Variants in TRIM13 observed in about 807,000 individuals in gnomAD.
The protein encoded by TRIM13 is tripartite motif containing 13, also known as E3 ubiquitin-protein ligase TRIM13.
In TRIM13, 15 loss-of-function variants were observed where a neutral mutation model predicts 27.1. The observed-to-expected ratio is 0.55, with a 90% confidence interval of 0.37 to 0.85. The LOEUF (loss-of-function observed/expected upper bound fraction) is 0.85. TRIM13 is among the 40% of genes least tolerant of loss of function. The pLI is 0.00. For synonymous variants in TRIM13, 193 were observed against 171.5 expected, an observed-to-expected ratio of 1.13 and a Z score of -0.98; for missense variants, 402 against 472.2, an observed-to-expected ratio of 0.85 and a Z score of 1.38.
chr13:50,017,678 G>A lies in TRIM13; in HGVS notation c.*4514G>A, dbSNP rs2138456289. The A allele has an allele frequency of 6.0e-6, 1 of 167,154 alleles. No individual in the cohort carries two copies. The highest frequency in any genetic ancestry group is 1.9e-4 in the East Asian group (1 of 5,194). The allele number at this position is 167,154 out of a possible 1,614,324, so 10.4% of individuals were successfully genotyped here. On this transcript the variant is annotated 3_prime_UTR_variant, in exon 2 of 2. Transcript: ENST00000378182. The stretch of plus-strand genomic sequence containing the variant: ...CAGTGCCAATTTAAAAGTAGAGATA[G>A]CCAATCTGAATACGGTGAAATTATG...
rs1481756834 is a variant in TRIM13, at chr13:50,015,070, A to G, written c.*1906A>G. ...GGAGGGAGAATGCTTTTCCCCTCCC[A>G]GTAATAAAAAAAAAAAAAAAAAAAA... On this transcript the variant is annotated 3_prime_UTR_variant, in exon 2 of 2. Coordinates refer to ENST00000378182, the MANE Select transcript of TRIM13 (RefSeq NM_213590.3). The G allele has an allele frequency of 2.9e-5, 2 of 69,952 alleles. No individual in the cohort carries two copies. Among genetic ancestry groups the G allele is most frequent in the Non-Finnish European group, 6.7e-5 (2 of 29,908 alleles). 4.3% of individuals were successfully genotyped at this position (69,952 alleles called of 1,614,324 possible).
chr13:50,017,423 TGTTCCTGTGTGTAC>T lies in TRIM13; in HGVS notation c.*4260_*4273del. ...ACATGATTAAAAACTAAAACTGGGA[TGTTCCTGTGTGTAC>T]ACAGTGCCAAATGGTTTTCCCTTTT... On this transcript the variant is annotated 3_prime_UTR_variant, in exon 2 of 2. Transcript: ENST00000378182. 6.0e-6 allele frequency: 1 copy of T among 167,244 alleles called. No individual in the cohort carries two copies. Among genetic ancestry groups the T allele is most frequent in the East Asian group, 1.9e-4 (1 of 5,196 alleles). 10.4% of individuals were successfully genotyped at this position (167,244 alleles called of 1,614,324 possible).
At chr13:50,009,861 C>G (rs1002153913) in intron 1 of TRIM13, among the ~76,000 whole-genome samples, 1 of 151,554 alleles carries the variant, frequency 6.6e-6, no homozygotes, top group African/African-American at 2.4e-5. Flanking sequence ...CCCAGTATTT[C>G]AAGGCTGCAG....
In TRIM13 at chr13:50,012,492, A is replaced by AT. The variant is rs746658278; in HGVS notation, c.558dup (p.Glu187Ter). 11 of 1,614,020 alleles carry AT rather than the reference A, an allele frequency of 6.8e-6. No individual in the cohort carries two copies. The Admixed American group carries it at 1.5e-4, about 22-fold the overall frequency. ...CTAAAGATTCAGATAAAGTGAAGGA[A>AT]TTTTTTGAGAAGTTACAACACACAC... On this transcript the variant is annotated frameshift_variant, in exon 2 of 2. Transcript: ENST00000378182. LOFTEE classifies it high-confidence loss of function.
rs1876701363 is a variant in TRIM13, at chr13:50,017,119, T to C, written c.*3955T>C. On this transcript the variant is annotated 3_prime_UTR_variant, in exon 2 of 2. Transcript: ENST00000378182. ...AGAGCCAGTCAAGCTAGTAGGCTGA[T>C]TGTGAAGAAAATCTAATACCTTATC... 6.0e-6 allele frequency: 1 copy of C among 167,070 alleles called. No individual in the cohort carries two copies. 10.3% of individuals were successfully genotyped at this position (167,070 alleles called of 1,614,324 possible). A position where few individuals can be genotyped will look rare whatever the true frequency, so the allele number is the denominator to read the frequency against.
At chr13:50,006,027 A>C (rs1874664744) in intron 1 of TRIM13, among the ~76,000 whole-genome samples, 1 of 152,056 alleles carries the variant, frequency 6.6e-6, no homozygotes, top group Non-Finnish European at 1.5e-5. Flanking sequence ...AAATATGTAG[A>C]TTTTAAAGTG....
rs1344021121 is a variant in TRIM13, at chr13:50,015,139, A to AT, written c.*1976dup. 1 of 102,050 alleles carries AT rather than the reference A, an allele frequency of 9.8e-6. No homozygotes were observed. Among genetic ancestry groups the AT allele is most frequent in the Non-Finnish European group, 2.0e-5 (1 of 49,646 alleles). The allele number at this position is 102,050 out of a possible 1,614,324, so 6.3% of individuals were successfully genotyped here. A position where few individuals can be genotyped will look rare whatever the true frequency, so the allele number is the denominator to read the frequency against. Reference sequence around the variant, plus strand: ...TATATATATATATATATATATATATATATATATATATAGTTTTACTAGGTT... The same window carrying AT: ...TATATATATATATATATATATATATATTATATATATATAGTTTTACTAGGTT... On this transcript the variant is annotated 3_prime_UTR_variant, in exon 2 of 2. Coordinates refer to ENST00000378182, the MANE Select transcript of TRIM13 (RefSeq NM_213590.3).
intron 1 of TRIM13, among the ~76,000 whole-genome samples, chr13:50,007,182 CAA>C (rs112759649): frequency 7.4e-5 from 9 of 121,138 alleles, no homozygotes; most frequent in Admixed American, 1.8e-4. Flanking sequence ...GACTCTGTCT[CAA>C]AAAAAAAAAA....
Position 50,014,246 on chromosome 13 carries a change from G to GTC in TRIM13, c.*1082_*1083insTC, listed in dbSNP as rs1482741264. On this transcript the variant is annotated 3_prime_UTR_variant, in exon 2 of 2. Coordinates refer to ENST00000378182, the MANE Select transcript of TRIM13 (RefSeq NM_213590.3). The stretch of plus-strand genomic sequence containing the variant: ...GCATTCTAGGACAGTGATGTGGGAG[G>GTC]ATTATTTGAGGCTAGGAGTTCCAGT... 2 of 150,242 alleles carry GTC rather than the reference G, an allele frequency of 1.3e-5. No individual in the cohort carries two copies. Among genetic ancestry groups the GTC allele is most frequent in the Non-Finnish European group, 3.1e-5 (2 of 65,508 alleles). 9.3% of individuals were successfully genotyped at this position (150,242 alleles called of 1,614,324 possible). A position where few individuals can be genotyped will look rare whatever the true frequency, so the allele number is the denominator to read the frequency against.
intron 1 of TRIM13, among the ~76,000 whole-genome samples, chr13:50,004,294 CAA>C (rs1387946329): frequency 1.3e-5 from 2 of 151,786 alleles, no homozygotes; most frequent in East Asian, 3.9e-4. Context: ...ATCATCTATA[CAA>C]AAAAAGTACA....
At chr13:49,998,038 C>G (rs1873455431) in intron 1 of TRIM13, among the ~76,000 whole-genome samples, 2 of 151,902 alleles carry the variant, frequency 1.3e-5, no homozygotes, top group African/African-American at 4.8e-5. Flanking sequence ...TTTTTTTTCC[C>G]TTCTCCTATG....
rs906886005 is a variant in TRIM13 at position 50,013,739 on chromosome 13, C to A, written c.*575C>A. ...GGGTTTCACTGTCCCTTAAGACCAT[C>A]CTGTTAGCCAAGATGGTCTTGATCT... is the stretch of plus-strand genomic sequence containing the variant. On this transcript the variant is annotated 3_prime_UTR_variant, in exon 2 of 2. Transcript: ENST00000378182. The A allele has an allele frequency of 6.0e-6, 1 of 166,380 alleles. No homozygotes were observed. The highest frequency in any genetic ancestry group is 2.4e-5 in the African/African-American group (1 of 41,290). 10.3% of individuals were successfully genotyped at this position (166,380 alleles called of 1,614,324 possible).
Position 50,017,504 on chromosome 13 carries a change from TA to T in TRIM13, c.*4343del, listed in dbSNP as rs1876756927. ...AACAGCACGAAAGTTTTTTCCATTT[TA>T]AAGTGAGAAAACATTATATTTAGAC... On this transcript the variant is annotated 3_prime_UTR_variant, in exon 2 of 2. Transcript: ENST00000378182. 1 of 167,104 alleles carries T rather than the reference TA, an allele frequency of 6.0e-6. No individual in the cohort carries two copies. The allele number at this position is 167,104 out of a possible 1,614,324, so 10.4% of individuals were successfully genotyped here.
intron 1 of TRIM13, among the ~76,000 whole-genome samples, chr13:50,000,640 A>G (rs1173848926): frequency 6.6e-6 from 1 of 152,256 alleles, no homozygotes; most frequent in Non-Finnish European, 1.5e-5. Flanking sequence ...TTCTGTTAAA[A>G]TGTGTGCACA....
At chr13:50,003,368 C>A (rs115591016) in intron 1 of TRIM13, among the ~76,000 whole-genome samples, 1,701 of 151,716 alleles carry the variant, frequency 0.011, 25 homozygotes, top group African/African-American at 0.039. Flanking sequence ...TGAAAAAAAA[C>A]AAAAAACATG....
rs888377929 is a variant in TRIM13, at chr13:50,014,225, T to G, written c.*1061T>G. On this transcript the variant is annotated 3_prime_UTR_variant, in exon 2 of 2. Coordinates refer to ENST00000378182, the MANE Select transcript of TRIM13 (RefSeq NM_213590.3). ...TGGCTCATGTCTATAATCTCAGCAT[T>G]CTAGGACAGTGATGTGGGAGGATTA... is the stretch of plus-strand genomic sequence containing the variant. 6.3e-6 allele frequency: 1 copy of G among 158,464 alleles called. No individual in the cohort carries two copies. The highest frequency in any genetic ancestry group is 1.5e-5 in the Non-Finnish European group (1 of 66,992). 9.8% of individuals were successfully genotyped at this position (158,464 alleles called of 1,614,324 possible).
chr13:50,012,092 C>T lies in TRIM13; in HGVS notation c.152C>T (p.Pro51Leu). The change falls in exon 2 of 2, where the codon CCA (proline) becomes CTA (leucine). Residue 51 changes from proline to leucine, a missense_variant. Around this residue, in one of 2 missense-constraint regions of TRIM13, gnomAD observed 202 missense variants for 277.5 expected, o/e 0.73. Transcript: ENST00000378182. ...SVRNSLWRPA[P>L]FKCPTCRKET... ...CGGAATTCCTTGTGGAGACCAGCTC[C>T]ATTCAAGTGTCCTACATGCCGTAAG... 6.2e-7 allele frequency: 1 copy of T among 1,614,094 alleles called. No individual in the cohort carries two copies. Among genetic ancestry groups the T allele is most frequent in the Admixed American group, 1.7e-5 (1 of 60,004 alleles).
rs762332491 is a variant in TRIM13 at position 50,012,039 on chromosome 13, C to T, written c.99C>T (p.Cys33=). ...LPCSHNFCKK[C]LEGILEGSVR... ...GCTCCCACAACTTCTGCAAAAAATG[C>T]TTAGAAGGTATCTTAGAAGGGAGTG... Residue 33 remains cysteine, a synonymous_variant, in exon 2 of 2, where the codon TGC becomes TGT. Coordinates refer to ENST00000378182, the MANE Select transcript of TRIM13 (RefSeq NM_213590.3). The T allele has an allele frequency of 6.2e-7, 1 of 1,613,942 alleles. No individual in the cohort carries two copies. The highest frequency in any genetic ancestry group is 1.1e-5 in the South Asian group (1 of 91,084).
intron 1 of TRIM13, among the ~76,000 whole-genome samples, chr13:50,009,754 A>AC (rs1449086688): frequency 1.3e-4 from 18 of 139,860 alleles, no homozygotes; most frequent in African/African-American, 2.3e-4. Flanking sequence ...AAAAAAAAAA[A>AC]AAAACAACAA....
Sources: allele counts gnomAD v4.1 joint callset (sites outside exome capture counted in the v4.1 genomes callset), GRCh38; gene constraint gnomAD v4.1.1; regional missense constraint gnomAD v4.1.1; transcripts MANE v1.5; gene names NCBI Gene and HGNC (gene_info 2026-07-23, HGNC 2026-07-21).